QTMAN: variants seen among roughly 807,000 people sequenced by gnomAD.
QTMAN encodes queuosine-tRNA mannosyltransferase.
chr2:144,074,198 A>T, the QTMAN span, among the ~76,000 whole-genome samples: 2 of 152,228 alleles, frequency 1.3e-5, no homozygotes, highest in Non-Finnish European at 2.9e-5. Context: ...GACATGATTG[A>T]TTTTAAGAAT....
At chr2:144,218,537 T>A in the QTMAN span, among the ~76,000 whole-genome samples, 1 of 152,338 alleles carries the variant, frequency 6.6e-6, no homozygotes, top group Middle Eastern at 3.4e-3. Flanking sequence ...ATTATAAATA[T>A]ACACACCAAA....
At chr2:144,028,438 G>A in the QTMAN span, among the ~76,000 whole-genome samples, 2 of 151,968 alleles carry the variant, frequency 1.3e-5, no homozygotes, top group African/African-American at 4.8e-5. Flanking sequence ...ATGTTATATT[G>A]GAAAAATATT....
the QTMAN span, among the ~76,000 whole-genome samples, chr2:144,162,732 C>T: frequency 1.2e-3 from 187 of 152,286 alleles, 2 homozygotes; most frequent in African/African-American, 4.4e-3. Context: ...GGAGCCCAAA[C>T]AGCTGTGCGG....
chr2:144,328,364 A>G, the QTMAN span, among the ~76,000 whole-genome samples: 1 of 152,222 alleles, frequency 6.6e-6, no homozygotes, highest in South Asian at 2.1e-4. Context: ...CTGATTCTAT[A>G]TCCTAACTCC....
the QTMAN span, among the ~76,000 whole-genome samples, chr2:144,044,410 G>C: frequency 6.6e-6 from 1 of 152,132 alleles, no homozygotes; most frequent in East Asian, 1.9e-4. Flanking sequence ...GGAGGAAAGT[G>C]AATCAAATGC....
the QTMAN span, among the ~76,000 whole-genome samples, chr2:144,203,104 T>C: frequency 6.6e-6 from 1 of 151,888 alleles, no homozygotes; most frequent in African/African-American, 2.4e-5. Flanking sequence ...GAAACCATCC[T>C]TTAGGGACAA....
the QTMAN span, among the ~76,000 whole-genome samples, chr2:144,246,996 T>C: frequency 6.6e-6 from 1 of 152,326 alleles, no homozygotes; most frequent in Admixed American, 6.5e-5. Flanking sequence ...AAATTATCAA[T>C]CAAGTGAGAA....
chr2:144,100,472 C>T, the QTMAN span, among the ~76,000 whole-genome samples: 1 of 152,162 alleles, frequency 6.6e-6, no homozygotes, highest in African/African-American at 2.4e-5. Context: ...AAGTCATATA[C>T]ATCACCAAAT....
At chr2:143,988,071 C>G in the QTMAN span, among the ~76,000 whole-genome samples, 1 of 152,162 alleles carries the variant, frequency 6.6e-6, no homozygotes, top group Non-Finnish European at 1.5e-5. Flanking sequence ...GCTTTGCAGG[C>G]ACTCCTGTGG....
chr2:144,036,761 C>T, the QTMAN span, among the ~76,000 whole-genome samples: 3 of 152,128 alleles, frequency 2.0e-5, no homozygotes, highest in Admixed American at 1.3e-4. Flanking sequence ...TCCTGTGGTG[C>T]TCCTGTTGCA....
chr2:144,267,666 T>C, the QTMAN span, among the ~76,000 whole-genome samples: 1 of 152,350 alleles, frequency 6.6e-6, no homozygotes, highest in South Asian at 2.1e-4. Flanking sequence ...CTTAGGATTT[T>C]TAACACTTCC....
At chr2:143,952,712 T>A in the QTMAN span, 1 of 1,152,290 alleles carries the variant, frequency 8.7e-7, no homozygotes, top group Non-Finnish European at 1.3e-6. Flanking sequence ...TCAAACTTTC[T>A]AATTTAGCAT....
At chr2:144,331,822 G>A in the QTMAN span, among the ~76,000 whole-genome samples, 140 of 152,340 alleles carry the variant, frequency 9.2e-4, 5 homozygotes, top group South Asian at 0.028. Flanking sequence ...GGGGGGCACA[G>A]TGAGGGTCTT....
chr2:144,031,015 C>T, the QTMAN span, among the ~76,000 whole-genome samples: 37 of 152,246 alleles, frequency 2.4e-4, no homozygotes, highest in African/African-American at 8.7e-4. Flanking sequence ...CACTTCTGTT[C>T]GTTCGAGTGG....
the QTMAN span, among the ~76,000 whole-genome samples, chr2:144,043,668 G>A: frequency 2.6e-5 from 4 of 151,720 alleles, no homozygotes; most frequent in Admixed American, 2.6e-4. Context: ...TGTTGGTAAG[G>A]TAAACTCATG....
At chr2:144,296,543 C>G in the QTMAN span, among the ~76,000 whole-genome samples, 2 of 152,118 alleles carry the variant, frequency 1.3e-5, no homozygotes, top group Non-Finnish European at 2.9e-5. Context: ...CACACAAAAA[C>G]AATCACTTAC....
chr2:144,140,136 T>C, the QTMAN span, among the ~76,000 whole-genome samples: 1 of 152,010 alleles, frequency 6.6e-6, no homozygotes, highest in African/African-American at 2.4e-5. Flanking sequence ...CATTTGAAAA[T>C]AATTCAAATA....
chr2:144,145,421 C>T, the QTMAN span: 14 of 515,768 alleles, frequency 2.7e-5, no homozygotes. Context: ...CTTACATATA[C>T]TGCAGAAGGA....
chr2:144,150,268 T>G, the QTMAN span, among the ~76,000 whole-genome samples: 1 of 152,010 alleles, frequency 6.6e-6, no homozygotes, highest in Non-Finnish European at 1.5e-5. Context: ...TGGTCTAGAT[T>G]CATGTTGCTA....
Sources: allele counts gnomAD v4.1 joint callset (sites outside exome capture counted in the v4.1 genomes callset), GRCh38; gene constraint gnomAD v4.1.1; transcripts MANE v1.5; gene names NCBI Gene and HGNC (gene_info 2026-07-23, HGNC 2026-07-21).